Variants in KLHL3 observed in about 807,000 individuals in gnomAD.
The protein encoded by KLHL3 is kelch like family member 3.
A neutral mutation model predicts 70.5 loss-of-function variants in KLHL3; 19 were observed. The ratio of observed to expected loss-of-function variants is 0.27; its 90% CI spans 0.19 to 0.40. KLHL3 has a LOEUF of 0.40. Ranked by LOEUF, KLHL3 falls within the 10% of genes least tolerant of loss-of-function variation. The probability of loss-of-function intolerance (pLI) is 1.00; values close to 1 mark genes in which losing one functional copy is unlikely to be tolerated. For synonymous variants in KLHL3, 258 were observed against 290.3 expected (o/e 0.89, Z 1.13); for missense variants, 512 against 771.1 (o/e 0.66, Z 3.98).
intron 6 of KLHL3, among the ~76,000 whole-genome samples, chr5:137,675,989 C>T (rs896731756): frequency 5.9e-5 from 9 of 152,124 alleles, no homozygotes; most frequent in Non-Finnish European, 1.2e-4. Context: ...TAATCCAGAA[C>T]AGACAGTAAA....
intron 6 of KLHL3, among the ~76,000 whole-genome samples, chr5:137,669,710 T>C (rs1751704233): frequency 6.6e-6 from 1 of 152,110 alleles, no homozygotes; most frequent in Non-Finnish European, 1.5e-5. Flanking sequence ...TGCCAGTCAA[T>C]ATGGTAGACT....
chr5:137,677,439 C>T, intron 6 of KLHL3, 106 bp downstream of exon 6: 2 of 689,754 alleles, frequency 2.9e-6, no homozygotes, highest in Non-Finnish European at 5.0e-6. Flanking sequence ...CAGAGCAAGA[C>T]TCCATCTCAA....
At chr5:137,710,387 ACT>A (rs1193491661) in intron 2 of KLHL3, among the ~76,000 whole-genome samples, 1 of 152,060 alleles carries the variant, frequency 6.6e-6, no homozygotes, top group Non-Finnish European at 1.5e-5. Context: ...CAACAAGAAG[ACT>A]CTGCCTGCAA....
intron 1 of KLHL3, among the ~76,000 whole-genome samples, chr5:137,725,944 A>G (rs1309601074): frequency 6.6e-6 from 1 of 152,228 alleles, no homozygotes; most frequent in East Asian, 1.9e-4. Flanking sequence ...CTTCATAGCC[A>G]TAAGGATAGA....
chr5:137,720,723 A>G (rs1263718416), intron 1 of KLHL3, 139 bp from the exon 2 acceptor site: 1 of 1,483,930 alleles, frequency 6.7e-7, no homozygotes, highest in African/African-American at 1.4e-5. Flanking sequence ...AATAGGAAAG[A>G]CAATGTACTG....
intron 8 of KLHL3, among the ~76,000 whole-genome samples, chr5:137,650,771 A>C (rs558468060): frequency 6.6e-6 from 1 of 152,022 alleles, no homozygotes; most frequent in East Asian, 1.9e-4. Flanking sequence ...GCAGTGAGCC[A>C]AGATCGTGCC....
At chr5:137,651,476 T>G (rs975163765) in intron 8 of KLHL3, among the ~76,000 whole-genome samples, 2 of 152,138 alleles carry the variant, frequency 1.3e-5, no homozygotes, top group African/African-American at 4.8e-5. Context: ...CAATAGCATC[T>G]AAAACAATAA....
intron 1 of KLHL3, among the ~76,000 whole-genome samples, chr5:137,730,936 A>G (rs2149939964): frequency 6.6e-6 from 1 of 152,354 alleles, no homozygotes; most frequent in East Asian, 1.9e-4. Flanking sequence ...AACAGAAAAA[A>G]AAATCTACCA....
intron 6 of KLHL3, among the ~76,000 whole-genome samples, chr5:137,668,824 A>G (rs1751678660): frequency 6.6e-6 from 1 of 152,184 alleles, no homozygotes; most frequent in Non-Finnish European, 1.5e-5. Context: ...TGATGAAAAT[A>G]TTTACACCAT....
At chr5:137,642,577 G>A (rs965037290) in intron 8 of KLHL3, among the ~76,000 whole-genome samples, 1 of 152,134 alleles carries the variant, frequency 6.6e-6, no homozygotes, top group African/African-American at 2.4e-5. Context: ...GTAAAAGTGA[G>A]GGCTCAAGTG....
chr5:137,697,210 T>C (rs1301831203), intron 4 of KLHL3, among the ~76,000 whole-genome samples: 1 of 152,022 alleles, frequency 6.6e-6, no homozygotes, highest in Non-Finnish European at 1.5e-5. Context: ...GTCATCCAGA[T>C]TGGAGTGCAG....
intron 1 of KLHL3, among the ~76,000 whole-genome samples, chr5:137,729,928 T>A (rs1753145254): frequency 6.6e-6 from 1 of 152,126 alleles, no homozygotes; most frequent in Admixed American, 6.6e-5. Context: ...AGCCCCATAC[T>A]CTTCATCCTC....
At chr5:137,687,108 C>T (rs1294104281) in intron 5 of KLHL3, among the ~76,000 whole-genome samples, 255 of 72,954 alleles carry the variant, frequency 3.5e-3, no homozygotes, top group East Asian at 7.0e-3. Flanking sequence ...CCGCCCCGTC[C>T]GGGAGGGAGG....
rs1751391191 is a variant in KLHL3 at position 137,658,259 on chromosome 5, T to C, written c.775A>G (p.Ile259Val). ...TCTTTACAGGTGTTGTTATTCTTTATCAAAGCTTCTTCTTCAACCGTCTAG... is the reference window on the plus strand; with the variant it reads ...TCTTTACAGGTGTTGTTATTCTTTACCAAAGCTTCTTCTTCAACCGTCTAG... The part of the protein sequence containing the change: ...LVQTVEEEAL[I>V]KNNNTCKDFL... The change falls in exon 8 of 15, where the codon ATA becomes GTA. Residue 259 changes from isoleucine to valine, a missense_variant. Ile to Val is a conservative substitution (Grantham distance 29, BLOSUM62 3). Transcript: ENST00000309755. The C allele has an allele frequency of 1.2e-6, 2 of 1,613,928 alleles. No homozygotes were observed. Among genetic ancestry groups the C allele is most frequent in the East Asian group, 4.5e-5 (2 of 44,882 alleles).
Position 137,637,308 on chromosome 5 carries a change from A to G in KLHL3, c.1307T>C (p.Val436Ala), listed in dbSNP as rs1236303389. The change falls in exon 11 of 15, where the codon GTG becomes GCG. Residue 436 changes from valine to alanine, a missense_variant. Transcript: ENST00000309755. ...PMNTRRSSVG[V>A]GVVEGKLYAV... ...CGCCTCCTTACCCTCCACAACGCCC[A>G]CACCCACACTGCTCCGCCGCGTGTT... 8 of 1,613,992 alleles carry G rather than the reference A, an allele frequency of 5.0e-6. No individual in the cohort carries two copies. The highest frequency in any genetic ancestry group is 6.8e-6 in the Non-Finnish European group (8 of 1,179,908).
chr5:137,659,701 G>A (rs2149896759), intron 7 of KLHL3, among the ~76,000 whole-genome samples: 1 of 152,288 alleles, frequency 6.6e-6, no homozygotes, highest in African/African-American at 2.4e-5. Context: ...GAAAGTTAGT[G>A]CTTCATGGGT....
At chr5:137,716,324 C>T (rs956297269) in intron 2 of KLHL3, among the ~76,000 whole-genome samples, 2 of 150,658 alleles carry the variant, frequency 1.3e-5, no homozygotes, top group African/African-American at 2.5e-5. Flanking sequence ...GTCACAAACT[C>T]CAATGCCCAA....
At chr5:137,670,008 T>C (rs774543444) in intron 6 of KLHL3, among the ~76,000 whole-genome samples, 3 of 152,094 alleles carry the variant, frequency 2.0e-5, no homozygotes, top group Admixed American at 6.5e-5. Context: ...TAAGACTAGA[T>C]GAACTCTGCC....
chr5:137,730,971 A>G (rs1332203255), intron 1 of KLHL3, among the ~76,000 whole-genome samples: 1 of 152,142 alleles, frequency 6.6e-6, no homozygotes, highest in Non-Finnish European at 1.5e-5. Context: ...TATTTTTTAC[A>G]TGGTTTATTA....
Sources: allele counts gnomAD v4.1 joint callset (sites outside exome capture counted in the v4.1 genomes callset), GRCh38; gene constraint gnomAD v4.1.1; transcripts MANE v1.5; gene names NCBI Gene and HGNC (gene_info 2026-07-23, HGNC 2026-07-21).